CAPN14: variants seen among roughly 807,000 people sequenced by gnomAD.
CAPN14 encodes calpain-14.
A neutral mutation model predicts 101.3 loss-of-function variants in CAPN14; 94 were observed. The ratio of observed to expected loss-of-function variants is 0.93; its 90% CI spans 0.79 to 1.10. CAPN14 has a LOEUF of 1.10. Among genes scored for constraint, CAPN14 ranks in the 50% least tolerant of loss-of-function variants. CAPN14 has a pLI of 0.00. For synonymous variants in CAPN14, 338 were observed against 317.9 expected, an observed-to-expected ratio of 1.06 and a Z score of -0.67; for missense variants, 837 against 828.4, an observed-to-expected ratio of 1.01 and a Z score of -0.13.
chr2:31,210,123 A>C (rs1262065869), intron 1 of CAPN14, among the ~76,000 whole-genome samples: 1 of 152,198 alleles, frequency 6.6e-6, no homozygotes, highest in Non-Finnish European at 1.5e-5. Flanking sequence ...AACTGGACAG[A>C]AATGAATACT....
intron 2 of CAPN14, 97 bp from the exon 3 acceptor site, chr2:31,203,236 T>C (rs146182900): frequency 1.9e-5 from 17 of 890,548 alleles, no homozygotes; most frequent in South Asian, 1.6e-4. Context: ...ACTGTACTTA[T>C]GGGGACAAAG....
At chr2:31,188,014 G>A (rs73921570) in intron 14 of CAPN14, among the ~76,000 whole-genome samples, 200 bp from the exon 15 acceptor site, 4 of 152,272 alleles carry the variant, frequency 2.6e-5, no homozygotes, top group African/African-American at 9.6e-5. Context: ...CACAAACAGT[G>A]AAATGGACAA....
intron 1 of CAPN14, chr2:31,228,202 C>T (rs940772522): frequency 2.0e-5 from 3 of 152,340 alleles, no homozygotes; most frequent in Non-Finnish European, 4.4e-5. Context: ...CCCAATTCTT[C>T]TAACTCCCCT....
chr2:31,198,929 T>C (rs1681607617), intron 7 of CAPN14, among the ~76,000 whole-genome samples: 1 of 152,206 alleles, frequency 6.6e-6, no homozygotes, highest in South Asian at 2.1e-4. Context: ...TTTTCTCTTA[T>C]CCATGAATTC....
intron 1 of CAPN14, among the ~76,000 whole-genome samples, chr2:31,231,862 G>C (rs932462349): frequency 1.3e-5 from 2 of 152,210 alleles, no homozygotes; most frequent in Non-Finnish European, 2.9e-5. Flanking sequence ...GAAGGCCAGT[G>C]TCTGTTCCGG....
At chr2:31,199,848 T>C (rs17010998) in intron 6 of CAPN14, among the ~76,000 whole-genome samples, 30,267 of 152,124 alleles carry the variant, frequency 0.2, 3,350 homozygotes, top group East Asian at 0.37. Context: ...GGGCTTCCTA[T>C]TCCTGTTCCA....
In CAPN14 at chr2:31,177,077, T is replaced by C; in HGVS notation, c.1921A>G (p.Met641Val). ...AAGTGGATGAAACTGACAAAGTCCA[T>C]CTGGAGGCGGGGGCCGCCGTAGCGG... ...LIRYGGPRLQMDFVSFIHLML... is the reference protein window; with the variant it reads ...LIRYGGPRLQVDFVSFIHLML... Residue 641 changes from methionine (M) to valine (V), a missense_variant, in exon 20 of 22, where the codon ATG (methionine) becomes GTG (valine). Transcript: ENST00000403897. 4 of 1,551,520 alleles carry C rather than the reference T, an allele frequency of 2.6e-6. No individual in the cohort carries two copies. The highest frequency in any genetic ancestry group is 3.5e-6 in the Non-Finnish European group (4 of 1,146,870).
At chr2:31,212,423 G>A (rs966554016) in intron 1 of CAPN14, among the ~76,000 whole-genome samples, 53 of 151,896 alleles carry the variant, frequency 3.5e-4, no homozygotes, top group African/African-American at 1.1e-3. Flanking sequence ...AGAAAAACCA[G>A]GGGATCTGTC....
intron 16 of CAPN14, among the ~76,000 whole-genome samples, chr2:31,183,470 G>A (rs1339236721): frequency 1.3e-5 from 2 of 151,998 alleles, no homozygotes; most frequent in Non-Finnish European, 2.9e-5. Context: ...AATCTACAAT[G>A]AACTCACACA....
At chr2:31,220,717 T>C (rs889470367), upstream of CAPN14, among the ~76,000 whole-genome samples, 1 of 152,202 alleles carries the variant, frequency 6.6e-6, no homozygotes, top group Non-Finnish European at 1.5e-5. Flanking sequence ...TAATCCCAGC[T>C]ACTCAGGAGG....
At chr2:31,200,089 C>T (rs1403900873) in intron 6 of CAPN14, among the ~76,000 whole-genome samples, 7 of 150,992 alleles carry the variant, frequency 4.6e-5, no homozygotes, top group African/African-American at 1.2e-4. Flanking sequence ...CTGCAACCTC[C>T]GCCTCCCGGG....
In CAPN14 at chr2:31,177,107, G is replaced by A; in HGVS notation, c.1891C>T (p.Leu631Phe). 1.3e-6 allele frequency: 2 copies of A among 1,551,218 alleles called. No homozygotes were observed. Among genetic ancestry groups the A allele is most frequent in the Non-Finnish European group, 8.7e-7 (1 of 1,146,662 alleles). The change falls in exon 20 of 22, where the codon CTC becomes TTC. Residue 631 changes from leucine to phenylalanine, a missense_variant. Leu to Phe is a conservative substitution (Grantham distance 22, BLOSUM62 0). Coordinates refer to ENST00000403897, the MANE Select transcript of CAPN14 (RefSeq NM_001145122.2). ...MLSDDVCQLM[L>F]IRYGGPRLQM... ...AGGCGGGGGCCGCCGTAGCGGATGAGCATCAGCTGACAGACGTCATCACTG... is the reference window on the plus strand; with the variant it reads ...AGGCGGGGGCCGCCGTAGCGGATGAACATCAGCTGACAGACGTCATCACTG...
At chr2:31,184,542 C>T (rs927062366) in intron 16 of CAPN14, among the ~76,000 whole-genome samples, 2 of 152,180 alleles carry the variant, frequency 1.3e-5, no homozygotes, top group African/African-American at 4.8e-5. Context: ...ATACAGTAGA[C>T]CTATCATTTC....
At chr2:31,232,380 T>C (rs967505295) in intron 1 of CAPN14, among the ~76,000 whole-genome samples, 9 of 152,236 alleles carry the variant, frequency 5.9e-5, no homozygotes, top group African/African-American at 1.9e-4. Context: ...TCCAATCCCA[T>C]TGCAGCTGTC....
At chr2:31,190,809 C>T (rs1681140776) in intron 12 of CAPN14, among the ~76,000 whole-genome samples, 1 of 152,140 alleles carries the variant, frequency 6.6e-6, no homozygotes, top group Non-Finnish European at 1.5e-5. Context: ...CATTTTACTC[C>T]TGTTTTCTTT....
chr2:31,209,854 T>C (rs1000538283), intron 1 of CAPN14, among the ~76,000 whole-genome samples: 1 of 152,120 alleles, frequency 6.6e-6, no homozygotes, highest in African/African-American at 2.4e-5. Context: ...GGGTAAATGC[T>C]ACAAATCAGA....
chr2:31,211,479 A>G (rs911817550), intron 1 of CAPN14, among the ~76,000 whole-genome samples: 7 of 152,162 alleles, frequency 4.6e-5, no homozygotes, highest in African/African-American at 1.7e-4. Context: ...ATTAGGAAAA[A>G]AAATCTATTC....
rs139758337 is a variant in CAPN14 at position 31,207,942 on chromosome 2, C to T, written c.-52-2443G>A. Among the ~76,000 whole-genome samples, 7 of 152,228 alleles carry T rather than the reference C, an allele frequency of 4.6e-5. No homozygotes were observed. The East Asian group carries it at 1.4e-3, about 29-fold the overall frequency. On this transcript the variant is annotated intron_variant, in intron 1 of 21. Transcript: ENST00000403897. ...GCTCTGAGTGATGTATGCACAGAAG[C>T]CTCTTCTGCCTAATGGCTTTTGAAT...
At chr2:31,192,199 G>A in intron 10 of CAPN14, 101 bp from the exon 11 acceptor site, 1 of 1,328,038 alleles carries the variant, frequency 7.5e-7, no homozygotes, top group South Asian at 1.7e-5. Flanking sequence ...CCTCTGCCAG[G>A]ATTGACACCC....
Sources: allele counts gnomAD v4.1 joint callset (sites outside exome capture counted in the v4.1 genomes callset), GRCh38; gene constraint gnomAD v4.1.1; transcripts MANE v1.5; gene names NCBI Gene and HGNC (gene_info 2026-07-23, HGNC 2026-07-21).